Variants in ACBD6 observed in about 807,000 individuals in gnomAD.
ACBD6 encodes the protein acyl-CoA binding domain containing 6.
ACBD6 carries 28 observed loss-of-function variants against 37.2 expected under a neutral mutation model. The ratio of observed to expected loss-of-function variants is 0.75; its 90% confidence interval spans 0.56 to 1.03. The LOEUF (loss-of-function observed/expected upper bound fraction) is 1.03. Among genes scored for constraint, ACBD6 ranks in the 50% least tolerant of loss-of-function variants. The probability of loss-of-function intolerance (pLI) is 0.00; values close to 1 mark genes in which losing one functional copy is unlikely to be tolerated. For synonymous variants in ACBD6, 113 were observed against 126.8 expected (o/e 0.89, Z 0.73); for missense variants, 340 against 337.4 (o/e 1.01, Z -0.06).
downstream of ACBD6, among the ~76,000 whole-genome samples, chr1:180,283,664 A>G (rs1298784118): frequency 6.6e-6 from 1 of 152,218 alleles, no homozygotes; most frequent in East Asian, 1.9e-4. Flanking sequence ...TGAAATAATT[A>G]CATTTGTTTT....
intron 3 of ACBD6, among the ~76,000 whole-genome samples, chr1:180,455,554 C>G (rs1358012278): frequency 6.6e-6 from 1 of 151,928 alleles, no homozygotes; most frequent in Non-Finnish European, 1.5e-5. Flanking sequence ...CTTATTATCA[C>G]TTTACAAAGA....
intron 4 of ACBD6, among the ~76,000 whole-genome samples, chr1:180,420,283 C>T (rs982063177): frequency 2.0e-5 from 3 of 152,184 alleles, no homozygotes; most frequent in African/African-American, 7.2e-5. Flanking sequence ...TCATGATTTC[C>T]TTGATTGGCT....
Position 180,483,852 on chromosome 1 carries a change from T to C in ACBD6, c.384+8417A>G, listed in dbSNP as rs533234237. 1.1e-4 allele frequency among the ~76,000 whole-genome samples: 16 copies of C among 152,270 alleles called. No individual in the cohort carries two copies. In the South Asian group the frequency reaches 2.3e-3, roughly 22 times the overall value. On this transcript the variant is annotated intron_variant, in intron 3 of 7. Coordinates refer to ENST00000367595, the MANE Select transcript of ACBD6 (RefSeq NM_032360.4). ...TTAGTACTTGAAAGCTTTTGTATAA[T>C]AGGACTCAAAAGAAATAGTACCCAT...
intron 3 of ACBD6, among the ~76,000 whole-genome samples, chr1:180,479,198 A>G (rs1650925936): frequency 6.6e-6 from 1 of 152,234 alleles, no homozygotes; most frequent in African/African-American, 2.4e-5. Context: ...CAATACTTGC[A>G]TGCTTATTGC....
chr1:180,456,181 C>T (rs1649915698), intron 3 of ACBD6, among the ~76,000 whole-genome samples: 1 of 140,160 alleles, frequency 7.1e-6, no homozygotes, highest in East Asian at 2.1e-4. Context: ...CACTGCTCTA[C>T]AGCCTAGGCA....
At chr1:180,313,076 A>G (rs1485666342) in intron 7 of ACBD6, among the ~76,000 whole-genome samples, 1 of 152,176 alleles carries the variant, frequency 6.6e-6, no homozygotes, top group Non-Finnish European at 1.5e-5. Context: ...ACATTAATAG[A>G]TTTTTTAAAT....
intron 6 of ACBD6, among the ~76,000 whole-genome samples, chr1:180,377,073 A>C (rs1416450941): frequency 6.6e-6 from 1 of 152,200 alleles, no homozygotes; most frequent in Non-Finnish European, 1.5e-5. Context: ...CAGAGGTATG[A>C]GTTAACAATT....
intron 3 of ACBD6, among the ~76,000 whole-genome samples, chr1:180,445,277 TA>T (rs1312478893): frequency 1.3e-5 from 2 of 152,190 alleles, no homozygotes; most frequent in African/African-American, 4.8e-5. Context: ...GGACTTAAAA[TA>T]TTGACCTATG....
At chr1:180,370,386 T>C (rs182252012) in intron 6 of ACBD6, among the ~76,000 whole-genome samples, 6 of 152,274 alleles carry the variant, frequency 3.9e-5, no homozygotes, top group Admixed American at 3.9e-4. Context: ...AGTATCTATC[T>C]ATAAAGGAAC....
At position 180,321,110 on chromosome 1, in the gene ACBD6, G is replaced by C. The variant is rs138442258; in HGVS notation, c.664-6388C>G. ...AAAAAGGGTTCACTATAGGTGTATA[G>C]ATTTGTTTCTGGGTTCTCTATTCTG... On this transcript the variant is annotated intron_variant, in intron 6 of 7. Coordinates refer to ENST00000367595, the MANE Select transcript of ACBD6 (RefSeq NM_032360.4). Among the ~76,000 whole-genome samples, 3 of 152,224 alleles carry C rather than the reference G, an allele frequency of 2.0e-5. No individual in the cohort carries two copies. The East Asian group carries it at 5.8e-4, about 29-fold the overall frequency.
rs1208398093 is a variant in ACBD6 at position 180,345,426 on chromosome 1, G to C, written c.664-30704C>G. ...CATTAGTTGTTAGGAGCATACATTA[G>C]TATAAATCATTTAGAAAATGAAAAG... On this transcript the variant is annotated intron_variant, in intron 6 of 7. Coordinates refer to ENST00000367595, the MANE Select transcript of ACBD6 (RefSeq NM_032360.4). 3.3e-5 allele frequency among the ~76,000 whole-genome samples: 5 copies of C among 152,002 alleles called. No individual in the cohort carries two copies. In the East Asian group the frequency reaches 9.6e-4, roughly 29 times the overall value.
intron 6 of ACBD6, among the ~76,000 whole-genome samples, chr1:180,368,629 A>G (rs1005170233): frequency 6.6e-5 from 10 of 152,130 alleles, no homozygotes; most frequent in African/African-American, 2.2e-4. Flanking sequence ...TTTACTGAAT[A>G]GGAAGTCTTT....
chr1:180,381,745 T>C (rs1048686108), intron 6 of ACBD6, among the ~76,000 whole-genome samples: 1 of 152,012 alleles, frequency 6.6e-6, no homozygotes, highest in Non-Finnish European at 1.5e-5. Context: ...TTTATAGCAA[T>C]ATAAACCTTC....
At chr1:180,425,661 G>A (rs188698741) in intron 4 of ACBD6, among the ~76,000 whole-genome samples, 31 of 152,226 alleles carry the variant, frequency 2.0e-4, no homozygotes, top group Middle Eastern at 3.4e-3. Flanking sequence ...TTAAAAACAG[G>A]CTGCAATGTA....
intron 3 of ACBD6, among the ~76,000 whole-genome samples, chr1:180,480,041 T>C (rs1650964120): frequency 6.6e-6 from 1 of 152,006 alleles, no homozygotes; most frequent in African/African-American, 2.4e-5. Context: ...AGTCTGATAG[T>C]ACTGGAATCT....
At chr1:180,426,349 T>C (rs948561383) in intron 4 of ACBD6, among the ~76,000 whole-genome samples, 1 of 152,244 alleles carries the variant, frequency 6.6e-6, no homozygotes. Context: ...TCTCAATTTA[T>C]GTGCAAACTT....
intron 6 of ACBD6, among the ~76,000 whole-genome samples, chr1:180,379,549 G>C (rs919246668): frequency 6.6e-6 from 1 of 151,942 alleles, no homozygotes; most frequent in Non-Finnish European, 1.5e-5. Flanking sequence ...GTCAGAGGTA[G>C]ATATAATAAA....
At position 180,411,155 on chromosome 1, in the gene ACBD6, G is replaced by C. The variant is rs1647837733; in HGVS notation, c.573+2211C>G. Among the ~76,000 whole-genome samples, 3 of 152,346 alleles carry C rather than the reference G, an allele frequency of 2.0e-5. No individual in the cohort carries two copies. In the South Asian group the frequency reaches 6.2e-4, roughly 32 times the overall value. On this transcript the variant is annotated intron_variant, in intron 5 of 7. Transcript: ENST00000367595. ...ACAATTTCATGATAAAACTTGAACA[G>C]ATGAGGAGTAGCTTCTTATGGATAA...
intron 3 of ACBD6, among the ~76,000 whole-genome samples, chr1:180,432,122 GCTTCAGC>G (rs546333957): frequency 6.4e-4 from 97 of 151,676 alleles, no homozygotes; most frequent in Non-Finnish European, 1.2e-3. Flanking sequence ...CACAAGAATT[GCTTCAGC>G]CTGGGATGCA....
Sources: allele counts gnomAD v4.1 joint callset (sites outside exome capture counted in the v4.1 genomes callset), GRCh38; gene constraint gnomAD v4.1.1; transcripts MANE v1.5; gene names NCBI Gene and HGNC (gene_info 2026-07-23, HGNC 2026-07-21).